Variants in BTBD9 observed in about 807,000 individuals in gnomAD.
BTBD9 encodes BTB/POZ domain-containing protein 9.
Under a neutral mutation model 64.3 loss-of-function variants are expected in BTBD9, and 49 were observed. That is an observed-to-expected ratio of 0.76 (90% CI 0.61 to 0.97). BTBD9 has a LOEUF of 0.97. BTBD9 is among the 50% of genes least tolerant of loss of function. The pLI is 0.00. For synonymous variants in BTBD9, 260 were observed against 274.7 expected (o/e 0.95, Z 0.53); for missense variants, 598 against 762.1 (o/e 0.78, Z 2.53).
intron 6 of BTBD9, among the ~76,000 whole-genome samples, chr6:38,540,446 G>A (rs149154888): frequency 1.1e-4 from 16 of 152,244 alleles, no homozygotes; most frequent in African/African-American, 3.1e-4. Flanking sequence ...AACAGATTCC[G>A]CTGGCTTGCA....
chr6:38,189,310 G>A (rs1761950040), intron 10 of BTBD9, among the ~76,000 whole-genome samples: 1 of 152,164 alleles, frequency 6.6e-6, no homozygotes, highest in South Asian at 2.1e-4. Context: ...CTTCCCTGAT[G>A]TGACCCCGTC....
chr6:38,192,117 C>T (rs1251989560), intron 10 of BTBD9, among the ~76,000 whole-genome samples: 2 of 152,336 alleles, frequency 1.3e-5, no homozygotes, highest in East Asian at 1.9e-4. Flanking sequence ...AGTGTGACTA[C>T]GAAACAGCAG....
At chr6:38,616,637 G>A (rs1013365037) in intron 1 of BTBD9, among the ~76,000 whole-genome samples, 23 of 152,084 alleles carry the variant, frequency 1.5e-4, no homozygotes, top group Non-Finnish European at 3.2e-4. Flanking sequence ...TAAAATGCAC[G>A]AATCAGCAGG....
chr6:38,469,599 G>A (rs1210186553), intron 6 of BTBD9, among the ~76,000 whole-genome samples: 3 of 152,070 alleles, frequency 2.0e-5, no homozygotes, highest in Non-Finnish European at 2.9e-5. Context: ...GATTACAGGC[G>A]TGAGCCACCG....
At chr6:38,334,672 A>G (rs1012031497) in intron 7 of BTBD9, among the ~76,000 whole-genome samples, 10 of 152,016 alleles carry the variant, frequency 6.6e-5, no homozygotes, top group Non-Finnish European at 4.4e-5. Context: ...AACAAAACAA[A>G]ACAAAACAAA....
chr6:38,212,039 T>C (rs1156463086), intron 9 of BTBD9, among the ~76,000 whole-genome samples: 2 of 152,206 alleles, frequency 1.3e-5, no homozygotes, highest in Admixed American at 6.5e-5. Flanking sequence ...TAGTAACCTG[T>C]TGACCCACCA....
chr6:38,478,831 T>C (rs1212588019), intron 6 of BTBD9, among the ~76,000 whole-genome samples: 1 of 152,202 alleles, frequency 6.6e-6, no homozygotes, highest in Non-Finnish European at 1.5e-5. Context: ...AATGACCAAG[T>C]CGCCTTGGTA....
At chr6:38,556,745 G>A (rs1442682164) in intron 6 of BTBD9, among the ~76,000 whole-genome samples, 3 of 151,664 alleles carry the variant, frequency 2.0e-5, no homozygotes, top group Admixed American at 6.6e-5. Context: ...GGCCGGGCGC[G>A]GTGGATCATG....
At chr6:38,317,059 G>A (rs1763055423) in intron 7 of BTBD9, among the ~76,000 whole-genome samples, 1 of 150,186 alleles carries the variant, frequency 6.7e-6, no homozygotes, top group Non-Finnish European at 1.5e-5. Context: ...GCAATGGTGT[G>A]ATCTCGGCTC....
At chr6:38,572,764 TA>T (rs563981566) in intron 6 of BTBD9, among the ~76,000 whole-genome samples, 18,479 of 142,712 alleles carry the variant, frequency 0.13, 1,269 homozygotes, top group Non-Finnish European at 0.15. Context: ...ATATAAGGCT[TA>T]AAAAAAAAAA....
chr6:38,346,981 G>A lies in BTBD9; in HGVS notation c.1155-1888C>T, dbSNP rs116122201. 8.0e-3 allele frequency among the ~76,000 whole-genome samples: 1,217 copies of A among 152,324 alleles called. 8 individuals carry two copies. Among genetic ancestry groups the A allele is most frequent in the Middle Eastern group, 0.041 (12 of 294 alleles). ...CTCCTACTGTGCACAGAAGAGCCAG[G>A]AAGTGACTAACAGGGCCTTTTCCCA... On this transcript the variant is annotated intron_variant, in intron 6 of 10. Transcript: ENST00000481247.
chr6:38,280,449 T>C (rs1201453298), intron 8 of BTBD9, among the ~76,000 whole-genome samples: 1 of 152,220 alleles, frequency 6.6e-6, no homozygotes, highest in South Asian at 2.1e-4. Flanking sequence ...TCAGCATGAC[T>C]GATATGAAGC....
chr6:38,179,003 C>T (rs1761418368), intron 10 of BTBD9, among the ~76,000 whole-genome samples: 1 of 152,092 alleles, frequency 6.6e-6, no homozygotes, highest in Non-Finnish European at 1.5e-5. Context: ...CAGGCACGTG[C>T]CACCACACCC....
chr6:38,297,909 C>T (rs111694611), intron 7 of BTBD9, among the ~76,000 whole-genome samples: 2,217 of 150,474 alleles, frequency 0.015, 46 homozygotes, highest in African/African-American at 0.05. Flanking sequence ...GGTGCTATCT[C>T]GGCTCACTGC....
At chr6:38,220,152 A>T (rs1763151431) in intron 9 of BTBD9, among the ~76,000 whole-genome samples, 1 of 152,144 alleles carries the variant, frequency 6.6e-6, no homozygotes, top group African/African-American at 2.4e-5. Flanking sequence ...GCAGTGGGTG[A>T]TGGTGTTGGG....
At chr6:38,426,844 C>A (rs1768182350) in intron 6 of BTBD9, among the ~76,000 whole-genome samples, 1 of 151,764 alleles carries the variant, frequency 6.6e-6, no homozygotes, top group South Asian at 2.1e-4. Flanking sequence ...CGAGGCTTGC[C>A]ACCATCTCGG....
chr6:38,222,323 C>G (rs528653013), intron 9 of BTBD9, among the ~76,000 whole-genome samples: 2 of 121,114 alleles, frequency 1.7e-5, no homozygotes, highest in Non-Finnish European at 3.2e-5. Context: ...TGCAGTGGTG[C>G]GATCTCGGCT....
chr6:38,621,462 G>A (rs1777979640), intron 1 of BTBD9, among the ~76,000 whole-genome samples: 1 of 152,188 alleles, frequency 6.6e-6, no homozygotes, highest in African/African-American at 2.4e-5. Context: ...CATTTGTGGA[G>A]AATGGGATGC....
At position 38,398,414 on chromosome 6, in the gene BTBD9, C is replaced by T. The variant is rs137990829; in HGVS notation, c.1155-53321G>A. 9.9e-5 allele frequency among the ~76,000 whole-genome samples: 15 copies of T among 152,224 alleles called. No individual in the cohort carries two copies. In the East Asian group the frequency reaches 2.7e-3, roughly 27 times the overall value. The stretch of plus-strand genomic sequence containing the variant: ...AAGCCTGAATGTTAGGAATATAAGG[C>T]CATACCAAGGAATCAATGTCACATA... On this transcript the variant is annotated intron_variant, in intron 6 of 10. Coordinates refer to ENST00000481247, the MANE Select transcript of BTBD9 (RefSeq NM_001099272.2).
Sources: allele counts gnomAD v4.1 joint callset (sites outside exome capture counted in the v4.1 genomes callset), GRCh38; gene constraint gnomAD v4.1.1; transcripts MANE v1.5; gene names NCBI Gene and HGNC (gene_info 2026-07-23, HGNC 2026-07-21).